TSPAN7: variants seen among roughly 807,000 people sequenced by gnomAD.
TSPAN7 encodes tetraspanin 7, also known as tetraspanin-7.
TSPAN7 carries 1 observed loss-of-function variant against 17.6 expected under a neutral mutation model. That is an observed-to-expected ratio of 0.06 (90% CI 0.02 to 0.27). The LOEUF (loss-of-function observed/expected upper bound fraction) is 0.27, where lower values mean the gene tolerates loss of function less well. TSPAN7 is among the 10% of genes least tolerant of loss of function. The probability of loss-of-function intolerance (pLI) is 1.00; values close to 1 mark genes in which losing one functional copy is unlikely to be tolerated. For missense variants in TSPAN7, 112 were observed against 201.7 expected (o/e 0.56, Z 2.69); for synonymous variants, 78 against 79.0 (o/e 0.99, Z 0.07).
At chrX:38,576,713 G>A (rs1187666191) in intron 1 of TSPAN7, among the ~76,000 whole-genome samples, 3 of 111,816 alleles carry the variant, frequency 2.7e-5, no homozygotes, top group Admixed American at 9.5e-5. Flanking sequence ...TTCTTGGAGA[G>A]GATAATGAAG....
intron 1 of TSPAN7, among the ~76,000 whole-genome samples, chrX:38,650,286 G>C (rs1191079086): frequency 8.9e-6 from 1 of 112,465 alleles, no homozygotes; most frequent in Non-Finnish European, 1.9e-5. Flanking sequence ...TTGTGGTTAA[G>C]ATACTTTACG....
At chrX:38,576,461 A>G (rs1261761512) in intron 1 of TSPAN7, among the ~76,000 whole-genome samples, 2 of 112,445 alleles carry the variant, frequency 1.8e-5, no homozygotes, top group African/African-American at 6.5e-5. Context: ...CATTAATTGC[A>G]TGTTGAAATG....
At chrX:38,687,792 C>T in intron 7 of TSPAN7, 118 bp downstream of exon 7, 1 of 523,308 alleles carries the variant, frequency 1.9e-6, no homozygotes, top group Non-Finnish European at 3.1e-6. Context: ...TGGCACTTGT[C>T]CATGTTCAGA....
intron 1 of TSPAN7, among the ~76,000 whole-genome samples, chrX:38,588,550 G>A (rs2069272196): frequency 9.0e-6 from 1 of 111,729 alleles, no homozygotes. Flanking sequence ...AAGAATTGTT[G>A]GAGAAAAGTC....
At chrX:38,674,372 T>TC in intron 4 of TSPAN7, 56 bp downstream of exon 4, 2 of 1,040,025 alleles carry the variant, frequency 1.9e-6, no homozygotes, top group Non-Finnish European at 2.6e-6. Flanking sequence ...GGCTTAGACT[T>TC]ATGGACTGCC....
chrX:38,595,178 A>G (rs981240331), intron 1 of TSPAN7, among the ~76,000 whole-genome samples: 2 of 111,395 alleles, frequency 1.8e-5, no homozygotes, highest in Admixed American at 1.9e-4. Flanking sequence ...TTGTCCCTCC[A>G]TTTGCTTGAA....
chrX:38,614,691 G>A (rs1020948914), intron 1 of TSPAN7, among the ~76,000 whole-genome samples: 5 of 112,764 alleles, frequency 4.4e-5, no homozygotes, highest in Non-Finnish European at 9.4e-5. Flanking sequence ...CTGCTAGCTT[G>A]ATGTGTGGCT....
chrX:38,684,605 T>C (rs1167292402), intron 6 of TSPAN7, among the ~76,000 whole-genome samples: 3 of 111,560 alleles, frequency 2.7e-5, no homozygotes. Context: ...TGTGACATTG[T>C]GTATATGTAC....
At chrX:38,596,387 TA>T (rs1440671687) in intron 1 of TSPAN7, among the ~76,000 whole-genome samples, 3 of 112,111 alleles carry the variant, frequency 2.7e-5, no homozygotes, top group Non-Finnish European at 5.6e-5. Context: ...ACAACACTAA[TA>T]GACTTAGGCA....
intron 1 of TSPAN7, among the ~76,000 whole-genome samples, chrX:38,653,929 A>G (rs768950356): frequency 8.9e-6 from 1 of 112,423 alleles, no homozygotes; most frequent in South Asian, 3.7e-4. Flanking sequence ...AAAATAAATG[A>G]ATTATTGGCC....
At chrX:38,665,642 T>C (rs1210654915) in intron 1 of TSPAN7, among the ~76,000 whole-genome samples, 1 of 112,094 alleles carries the variant, frequency 8.9e-6, no homozygotes, top group African/African-American at 3.2e-5. Flanking sequence ...TTTGTTTTTG[T>C]GGAAATTTCT....
chrX:38,671,586 T>C, intron 3 of TSPAN7, 136 bp downstream of exon 3: 1 of 613,591 alleles, frequency 1.6e-6, no homozygotes, highest in South Asian at 2.5e-5. Context: ...AAAGATCATG[T>C]CATATGACCT....
intron 1 of TSPAN7, among the ~76,000 whole-genome samples, chrX:38,591,273 T>A (rs2069289901): frequency 8.9e-6 from 1 of 111,823 alleles, no homozygotes; most frequent in Admixed American, 9.5e-5. Flanking sequence ...TCTCTTTTGA[T>A]TTTTTTCTTT....
chrX:38,609,431 T>C (rs952173457), intron 1 of TSPAN7, among the ~76,000 whole-genome samples: 2 of 111,212 alleles, frequency 1.8e-5, no homozygotes, highest in Admixed American at 9.6e-5. Context: ...GAAACTATTT[T>C]TCCTCAAATA....
In TSPAN7 at chrX:38,674,241, G is replaced by T. The variant is rs760136867; in HGVS notation, c.366G>T (p.Arg122Ser). 1.4e-5 allele frequency: 17 copies of T among 1,197,005 alleles called. No homozygotes were observed. The highest frequency in any genetic ancestry group is 2.3e-5 in the Admixed American group (1 of 44,330). Residue 122 changes from arginine to serine, a missense_variant, in exon 4 of 8, where the codon AGG (arginine) becomes AGT (serine). Arg to Ser is a moderately radical substitution (Grantham distance 110, BLOSUM62 -1). Transcript: ENST00000378482. ...FRHEIKDTFL[R>S]TYTDAMQTYN... ...CATAGATCAAGGACACCTTCCTGAG[G>T]ACTTACACGGACGCTATGCAGACTT...
At chrX:38,599,837 T>G (rs1042810960) in intron 1 of TSPAN7, among the ~76,000 whole-genome samples, 7 of 112,262 alleles carry the variant, frequency 6.2e-5, no homozygotes, top group Non-Finnish European at 1.3e-4. Flanking sequence ...AGAAATACCC[T>G]TCATTTGAAA....
chrX:38,619,275 T>C (rs1197673153), intron 1 of TSPAN7, among the ~76,000 whole-genome samples: 1 of 110,785 alleles, frequency 9.0e-6, no homozygotes, highest in East Asian at 2.9e-4. Context: ...ACTGTGGAAT[T>C]TGGGATGCTG....
chrX:38,630,976 T>A (rs1486025816), intron 1 of TSPAN7, among the ~76,000 whole-genome samples: 1 of 112,442 alleles, frequency 8.9e-6, no homozygotes, highest in African/African-American at 3.2e-5. Context: ...CAAAGAGGGA[T>A]GGATATATTT....
intron 1 of TSPAN7, among the ~76,000 whole-genome samples, chrX:38,643,831 C>T (rs779902615): frequency 1.8e-5 from 2 of 111,018 alleles, no homozygotes; most frequent in South Asian, 3.8e-4. Context: ...GGCGACAGAG[C>T]GAGACTCCGT....
Sources: allele counts gnomAD v4.1 joint callset (sites outside exome capture counted in the v4.1 genomes callset), GRCh38; gene constraint gnomAD v4.1.1; transcripts MANE v1.5; gene names NCBI Gene and HGNC (gene_info 2026-07-23, HGNC 2026-07-21).